EXOC4: variants seen among roughly 807,000 people sequenced by gnomAD.
EXOC4 encodes exocyst complex component 4, also known as SEC8-like 1.
EXOC4 carries 71 observed loss-of-function variants against 107.2 expected under a neutral mutation model. The ratio of observed to expected loss-of-function variants is 0.66; its 90% CI spans 0.55 to 0.81. The LOEUF (loss-of-function observed/expected upper bound fraction) is 0.81, where lower values mean the gene tolerates loss of function less well. Ranked by LOEUF, EXOC4 falls within the 30% of genes least tolerant of loss-of-function variation. The probability of loss-of-function intolerance (pLI) is 0.00; values close to 1 mark genes in which losing one functional copy is unlikely to be tolerated. For missense variants in EXOC4, 1,108 were observed against 1,189.6 expected (o/e 0.93, Z 1.01); for synonymous variants, 456 against 441.2 (o/e 1.03, Z -0.42).
intron 11 of EXOC4, among the ~76,000 whole-genome samples, chr7:133,857,034 T>G (rs1798390004): frequency 1.4e-5 from 2 of 143,502 alleles, no homozygotes; most frequent in African/African-American, 5.2e-5. Flanking sequence ...GAGGCAGAGG[T>G]TGCAGTGAGC....
intron 14 of EXOC4, among the ~76,000 whole-genome samples, chr7:133,983,795 A>C (rs1172884450): frequency 6.6e-6 from 1 of 152,192 alleles, no homozygotes; most frequent in Non-Finnish European, 1.5e-5. Context: ...GAAATACAAA[A>C]GGCTTACAAA....
At chr7:133,339,999 A>G (rs1488339046) in intron 5 of EXOC4, among the ~76,000 whole-genome samples, 1 of 151,976 alleles carries the variant, frequency 6.6e-6, no homozygotes, top group Non-Finnish European at 1.5e-5. Flanking sequence ...GATGCCCTTT[A>G]TTTCTTTTTC....
chr7:133,799,052 G>T (rs1456926209), intron 10 of EXOC4, among the ~76,000 whole-genome samples: 5 of 152,088 alleles, frequency 3.3e-5, no homozygotes, highest in Non-Finnish European at 7.4e-5. Context: ...ATATATTGAT[G>T]TTAGAATCTA....
In EXOC4 at chr7:133,973,782, T is replaced by C. The variant is rs529812164; in HGVS notation, c.2207-23710T>C. On this transcript the variant is annotated intron_variant, in intron 14 of 17. Coordinates refer to ENST00000253861, the MANE Select transcript of EXOC4 (RefSeq NM_021807.4). ...GCAAAAGATTTGTCTTAGTCTGTTT[T>C]GTGCTGCTATAACACAATACCTGAG... Among the ~76,000 whole-genome samples, 69 of 152,362 alleles carry C rather than the reference T, an allele frequency of 4.5e-4. 1 individual carries two copies. The East Asian group carries it at 0.012, about 27-fold the overall frequency.
chr7:133,365,658 A>C (rs569937919), intron 6 of EXOC4, among the ~76,000 whole-genome samples: 18 of 152,314 alleles, frequency 1.2e-4, no homozygotes, highest in African/African-American at 2.4e-4. Context: ...CCCTTTTTAC[A>C]TGAAGACTTA....
At chr7:133,459,160 A>C (rs994243204) in intron 7 of EXOC4, among the ~76,000 whole-genome samples, 1 of 152,112 alleles carries the variant, frequency 6.6e-6, no homozygotes, top group Non-Finnish European at 1.5e-5. Context: ...CTGCGTTAAC[A>C]TGGTTGGTAT....
chr7:133,755,243 AATATATATATTAT>A (rs1795878283), intron 10 of EXOC4, among the ~76,000 whole-genome samples: 1 of 91,064 alleles, frequency 1.1e-5, no homozygotes, highest in African/African-American at 4.7e-5. Flanking sequence ...TAATATATAT[AATATATATATTAT>A]ATATATATTA....
At chr7:133,756,033 T>G (rs6963221) in intron 10 of EXOC4, among the ~76,000 whole-genome samples, 66,271 of 152,006 alleles carry the variant, frequency 0.44, 14,767 homozygotes, top group South Asian at 0.53. Context: ...CCAACATAAC[T>G]TCTTTTAGTT....
intron 11 of EXOC4, among the ~76,000 whole-genome samples, chr7:133,838,202 C>T (rs1285757987): frequency 6.6e-6 from 1 of 152,112 alleles, no homozygotes; most frequent in African/African-American, 2.4e-5. Context: ...CTTATTTACT[C>T]GTTGTTTTTG....
intron 9 of EXOC4, among the ~76,000 whole-genome samples, chr7:133,571,138 A>C (rs1410811248): frequency 1.3e-5 from 2 of 152,198 alleles, no homozygotes; most frequent in African/African-American, 4.8e-5. Context: ...AGTGATTATT[A>C]AATGATTACT....
chr7:133,374,913 G>A lies in EXOC4; in HGVS notation c.1093G>A (p.Asp365Asn), dbSNP rs764321303. 3 of 1,614,036 alleles carry A rather than the reference G, an allele frequency of 1.9e-6. No homozygotes were observed. The Admixed American group carries it at 5.0e-5, about 27-fold the overall frequency. ...AHSVVLGYLQDTVVTPLTQQE... is the reference protein window; with the variant it reads ...AHSVVLGYLQNTVVTPLTQQE... ...CTCTGTGGTCCTGGGATACCTGCAG[G>A]ACACTGTAGTGACTCCACTGACTCA... The change falls in exon 7 of 18, where the codon GAC becomes AAC. Residue 365 changes from aspartate to asparagine, a missense_variant. Coordinates refer to ENST00000253861, the MANE Select transcript of EXOC4 (RefSeq NM_021807.4).
chr7:133,715,685 T>C (rs1794985753), intron 10 of EXOC4, among the ~76,000 whole-genome samples: 2 of 152,184 alleles, frequency 1.3e-5, no homozygotes, highest in African/African-American at 4.8e-5. Flanking sequence ...GACCACTTTC[T>C]ACCTCTTCTG....
At chr7:133,689,691 A>G (rs1794379430) in intron 10 of EXOC4, among the ~76,000 whole-genome samples, 1 of 152,228 alleles carries the variant, frequency 6.6e-6, no homozygotes, top group South Asian at 2.1e-4. Context: ...CAACTAACCC[A>G]GTAGGATTGT....
rs1390685303 is a variant in EXOC4 at position 133,364,038 on chromosome 7, G to C, written c.1007+7465G>C. Among the ~76,000 whole-genome samples the C allele has an allele frequency of 2.6e-5, 4 of 152,094 alleles. No individual in the cohort carries two copies. In the East Asian group the frequency reaches 7.7e-4, roughly 29 times the overall value. On this transcript the variant is annotated intron_variant, in intron 6 of 17. Transcript: ENST00000253861. ...GCTCCTGCCCCATCCTCTTGCTATAGTCTCTAATCAGATTGGACTGTGAGT... is the reference window on the plus strand; with the variant it reads ...GCTCCTGCCCCATCCTCTTGCTATACTCTCTAATCAGATTGGACTGTGAGT...
chr7:133,823,893 T>TATA (rs1554405881), intron 11 of EXOC4, among the ~76,000 whole-genome samples: 1 of 18,622 alleles, frequency 5.4e-5, no homozygotes, highest in African/African-American at 6.6e-4. Context: ...TATATATATA[T>TATA]TTTATATATA....
intron 14 of EXOC4, among the ~76,000 whole-genome samples, chr7:133,974,792 T>C (rs114883303): frequency 0.012 from 1,785 of 152,326 alleles, 30 homozygotes; most frequent in African/African-American, 0.041. Flanking sequence ...GTAACTCAGC[T>C]TGTTAGTAGT....
rs200637186 is a variant in EXOC4, at chr7:133,843,655, CTTTTTTT to C, written c.1734+26114_1734+26120del. Among the ~76,000 whole-genome samples the C allele has an allele frequency of 2.6e-5, 4 of 151,214 alleles. No individual in the cohort carries two copies. In the South Asian group the frequency reaches 8.4e-4, roughly 32 times the overall value. ...CTCTCTTCCTATTTGGATGCCTTTT[CTTTTTTT>C]TTGTCTGATTGCTGTGTCCAGGACT... On this transcript the variant is annotated intron_variant, in intron 11 of 17. Transcript: ENST00000253861.
At chr7:133,547,627 T>G (rs1383784584) in intron 9 of EXOC4, among the ~76,000 whole-genome samples, 1 of 152,212 alleles carries the variant, frequency 6.6e-6, no homozygotes, top group African/African-American at 2.4e-5. Context: ...CTAAATCCTT[T>G]GTTGTCATTT....
At chr7:133,288,891 C>T in intron 2 of EXOC4, 31 bp from the exon 3 acceptor site, 1 of 1,602,244 alleles carries the variant, frequency 6.2e-7, no homozygotes, top group Non-Finnish European at 8.5e-7. Flanking sequence ...AGACTTTGGA[C>T]TGACCCAAGA....
Sources: gnomAD v4.1 joint callset for allele counts (sites outside exome capture counted in the v4.1 genomes callset) on GRCh38, gnomAD v4.1.1 for gene constraint, MANE v1.5 for transcripts, NCBI Gene and HGNC (gene_info 2026-07-23, HGNC 2026-07-21) for gene names.